Variants in NAV2 observed in about 807,000 individuals in gnomAD.
NAV2 encodes the protein helicase, APC down-regulated 1.
NAV2 carries 54 observed loss-of-function variants against 223.2 expected under a neutral mutation model. That is an observed-to-expected ratio of 0.24 (90% CI 0.19 to 0.30). The LOEUF (loss-of-function observed/expected upper bound fraction) is 0.30. Ranked by LOEUF, NAV2 falls within the 10% of genes least tolerant of loss-of-function variation. The pLI, the probability that NAV2 is intolerant of heterozygous loss-of-function variation, is 1.00. For missense variants in NAV2, 2,806 were observed against 3,147.5 expected, an observed-to-expected ratio of 0.89 and a Z score of 2.60; for synonymous variants, 1,279 against 1,239.3, an observed-to-expected ratio of 1.03 and a Z score of -0.67.
chr11:20,083,243 G>C (rs1162300136), intron 26 of NAV2, 64 bp downstream of exon 26: 2 of 1,378,414 alleles, frequency 1.5e-6, no homozygotes, highest in Non-Finnish European at 2.0e-6. Context: ...AGTAGGAATG[G>C]CTAGGAGTCC....
At chr11:20,073,266 TG>T (rs75677160) in intron 22 of NAV2, among the ~76,000 whole-genome samples, 49,382 of 151,884 alleles carry the variant, frequency 0.33, 8,740 homozygotes, top group African/African-American at 0.47. Flanking sequence ...GAACCAGCCT[TG>T]CATCCCAGGG....
intron 1 of NAV2, among the ~76,000 whole-genome samples, chr11:19,492,557 G>T (rs982783036): frequency 5.9e-5 from 9 of 152,096 alleles, no homozygotes; most frequent in Non-Finnish European, 1.0e-4. Flanking sequence ...CAGAGGGTAA[G>T]CTGGAAGGGG....
chr11:20,045,325 C>G lies in NAV2; in HGVS notation c.3557C>G (p.Thr1186Arg). 1.2e-6 allele frequency: 2 copies of G among 1,614,148 alleles called. No individual in the cohort carries two copies. Among genetic ancestry groups the G allele is most frequent in the Non-Finnish European group, 1.7e-6 (2 of 1,180,018 alleles). The change falls in exon 14 of 38, where the codon ACA becomes AGA. Residue 1186 changes from threonine (T) to arginine (R), a missense_variant. Thr to Arg is a moderately conservative substitution (Grantham distance 71). Transcript: ENST00000349880. ...GGGTATCTAGCCCTAAGCTCCCGGA[C>G]AAACCTTCAGTACCGGAGTTTGCCG... ...DDGYLALSSR[T>R]NLQYRSLPRP...
rs1565588691 is a variant in NAV2, at chr11:19,933,697, A to G, written c.1453A>G (p.Asn485Asp). 4 of 1,614,158 alleles carry G rather than the reference A, an allele frequency of 2.5e-6. No individual in the cohort carries two copies. Among genetic ancestry groups the G allele is most frequent in the Non-Finnish European group, 3.4e-6 (4 of 1,180,030 alleles). ...LTNKKSSLKG[N>D]EKEKEKQQRE... The stretch of plus-strand genomic sequence containing the variant: ...CAACAAGAAGAGTTCTCTGAAAGGC[A>G]ATGAGAAAGAGAAGGAGAAACAACA... Residue 485 changes from asparagine to aspartate, a missense_variant, in exon 7 of 38, where the codon AAT (asparagine) becomes GAT (aspartate). By Grantham distance (23) the Asn-to-Asp change is conservative. This residue lies in a region of NAV2 where 1,167 missense variants were observed against 1,180.5 expected (regional missense o/e 0.99). Coordinates refer to ENST00000349880, the MANE Select transcript of NAV2 (RefSeq NM_145117.5). The surrounding 1 kb of genome is among the most constrained non-coding windows in gnomAD (Gnocchi z 4.3).
At chr11:19,494,719 C>A (rs1368627125) in intron 1 of NAV2, among the ~76,000 whole-genome samples, 1 of 152,160 alleles carries the variant, frequency 6.6e-6, no homozygotes, top group Non-Finnish European at 1.5e-5. Context: ...GATGTGAAAC[C>A]TGGTGGAAAA....
At chr11:19,866,238 T>A (rs2062083082) in intron 3 of NAV2, among the ~76,000 whole-genome samples, 1 of 152,252 alleles carries the variant, frequency 6.6e-6, no homozygotes, top group East Asian at 1.9e-4. Flanking sequence ...TGTGAGAAGC[T>A]GTACTGTGCA....
intron 1 of NAV2, among the ~76,000 whole-genome samples, chr11:19,517,772 T>A (rs1236650968): frequency 6.6e-6 from 1 of 152,200 alleles, no homozygotes; most frequent in Non-Finnish European, 1.5e-5. Flanking sequence ...CCTTTGCAGG[T>A]AAGAAAGCCC....
intron 1 of NAV2, among the ~76,000 whole-genome samples, chr11:19,816,160 G>A (rs747024964): frequency 7.2e-5 from 11 of 152,186 alleles, no homozygotes; most frequent in Non-Finnish European, 1.3e-4. Context: ...AGAAGGGCCC[G>A]GGGCACAACG....
At chr11:19,980,150 G>A (rs2050167830) in intron 10 of NAV2, among the ~76,000 whole-genome samples, 1 of 152,188 alleles carries the variant, frequency 6.6e-6, no homozygotes, top group South Asian at 2.1e-4. Context: ...CCCCAGGGAA[G>A]CAAGAAAAAC....
At chr11:19,527,479 A>G (rs1042887905) in intron 1 of NAV2, among the ~76,000 whole-genome samples, 3 of 151,990 alleles carry the variant, frequency 2.0e-5, no homozygotes, top group Admixed American at 6.6e-5. Flanking sequence ...GCCGATAGCC[A>G]CACTCCCTTG....
intron 31 of NAV2, among the ~76,000 whole-genome samples, chr11:20,098,033 T>C (rs1481379179): frequency 6.6e-6 from 1 of 152,212 alleles, no homozygotes; most frequent in African/African-American, 2.4e-5. Context: ...AATAGGGCTT[T>C]ACTAATACTG....
At chr11:19,395,778 T>C (rs2133257184) in intron 1 of NAV2, among the ~76,000 whole-genome samples, 1 of 152,334 alleles carries the variant, frequency 6.6e-6, no homozygotes, top group African/African-American at 2.4e-5. Flanking sequence ...TCTGATCCTC[T>C]TTCCCCCTCT....
intron 11 of NAV2, among the ~76,000 whole-genome samples, chr11:20,033,694 T>C (rs75584868): frequency 0.058 from 8,779 of 152,236 alleles, 378 homozygotes; most frequent in African/African-American, 0.12. Context: ...AGCCAAATAG[T>C]GTTGAAGGAG....
chr11:19,350,128 T>C (rs76566279), upstream of NAV2, among the ~76,000 whole-genome samples: 44 of 152,068 alleles, frequency 2.9e-4, no homozygotes, highest in African/African-American at 1.0e-3. Context: ...ATGCACCCCA[T>C]GGAAGTTTGA....
chr11:19,920,623 G>A (rs2153228719), intron 6 of NAV2, among the ~76,000 whole-genome samples: 1 of 152,212 alleles, frequency 6.6e-6, no homozygotes, highest in Non-Finnish European at 1.5e-5. Context: ...ACAGTGCCTG[G>A]TACAGAGGTG....
At chr11:19,485,056 C>T (rs1564975757) in intron 1 of NAV2, among the ~76,000 whole-genome samples, 1 of 151,750 alleles carries the variant, frequency 6.6e-6, no homozygotes, top group Non-Finnish European at 1.5e-5. Flanking sequence ...GCCCAGGCTA[C>T]AGACTCAGTT....
intron 5 of NAV2, among the ~76,000 whole-genome samples, chr11:19,885,952 G>A (rs771758330): frequency 2.6e-5 from 4 of 152,100 alleles, no homozygotes; most frequent in Non-Finnish European, 5.9e-5. Flanking sequence ...TACCCAGGCT[G>A]GAGTGCAGAT....
At chr11:19,591,909 C>T (rs2046073414) in intron 1 of NAV2, among the ~76,000 whole-genome samples, 1 of 152,346 alleles carries the variant, frequency 6.6e-6, no homozygotes, top group Admixed American at 6.5e-5. Flanking sequence ...TGCACATGCA[C>T]TTTAGACATT....
intron 1 of NAV2, among the ~76,000 whole-genome samples, chr11:19,434,798 C>T (rs1481918209): frequency 6.6e-6 from 1 of 150,410 alleles, no homozygotes; most frequent in African/African-American, 2.4e-5. Flanking sequence ...ACGTGAATCT[C>T]TCATATTTTT....
Sources: gnomAD v4.1 joint callset for allele counts (sites outside exome capture counted in the v4.1 genomes callset) on GRCh38, gnomAD v4.1.1 for gene constraint, gnomAD v4.1.1 regional missense constraint, Gnocchi (gnomAD v3.1) non-coding constraint, MANE v1.5 for transcripts, NCBI Gene and HGNC (gene_info 2026-07-23, HGNC 2026-07-21) for gene names.